GPM6A: variants seen among roughly 807,000 people sequenced by gnomAD.
GPM6A encodes the protein neuronal membrane glycoprotein M6-a.
Under a neutral mutation model 32.1 loss-of-function variants are expected in GPM6A, and 7 were observed. The observed-to-expected ratio is 0.22, with a 90% CI of 0.12 to 0.41. The LOEUF (loss-of-function observed/expected upper bound fraction) is 0.41, where lower values mean the gene tolerates loss of function less well. Among genes scored for constraint, GPM6A ranks in the 10% least tolerant of loss-of-function variants. The pLI, the probability that GPM6A is intolerant of heterozygous loss-of-function variation, is 1.00. For synonymous variants in GPM6A, 130 were observed against 123.4 expected (o/e 1.05, Z -0.35); for missense variants, 235 against 347.2 (o/e 0.68, Z 2.57).
At chr4:175,664,760 CT>C (rs1447888912) in intron 3 of GPM6A, among the ~76,000 whole-genome samples, 1 of 152,152 alleles carries the variant, frequency 6.6e-6, no homozygotes, top group Non-Finnish European at 1.5e-5. Context: ...TCAAGAGCCC[CT>C]TTTACTCACT....
At chr4:175,660,649 T>C (rs1445642604) in intron 3 of GPM6A, among the ~76,000 whole-genome samples, 1 of 152,200 alleles carries the variant, frequency 6.6e-6, no homozygotes, top group Non-Finnish European at 1.5e-5. Flanking sequence ...AAGAAAGTGT[T>C]GCTATTACTT....
intron 2 of GPM6A, among the ~76,000 whole-genome samples, chr4:175,695,930 C>A (rs918400441): frequency 6.6e-6 from 1 of 152,052 alleles, no homozygotes; most frequent in Admixed American, 6.6e-5. Flanking sequence ...GGTTTAGCAC[C>A]ATCTCCTCAG....
chr4:175,898,128 C>T (rs1440262848), intron 1 of GPM6A, among the ~76,000 whole-genome samples: 1 of 152,142 alleles, frequency 6.6e-6, no homozygotes, highest in East Asian at 1.9e-4. Flanking sequence ...TAATCATTTA[C>T]CCCTTAAACC....
At chr4:175,693,133 A>C (rs1036296787) in intron 2 of GPM6A, among the ~76,000 whole-genome samples, 8 of 151,896 alleles carry the variant, frequency 5.3e-5, no homozygotes, top group Admixed American at 3.9e-4. Context: ...AAGACAAGGA[A>C]TTTGTCTTGC....
At position 175,962,157 on chromosome 4, in the gene GPM6A, C is replaced by T. The variant is rs1287957047; in HGVS notation, c.-23+40152G>A. 5 of 891,426 alleles carry T rather than the reference C, an allele frequency of 5.6e-6. No homozygotes were observed. The African/African-American group carries it at 8.2e-5, about 15-fold the overall frequency. The allele number at this position is 891,426 out of a possible 1,614,324, so 55.2% of individuals were successfully genotyped here. A position where few individuals can be genotyped will look rare whatever the true frequency, so the allele number is the denominator to read the frequency against. On this transcript the variant is annotated intron_variant, in intron 1 of 7. Transcript: ENST00000280187. ...GACAATGTTACAGGACATCAAGCAT[C>T]AACCCAAGGTGATCGAGCACCTGCT...
chr4:175,868,083 G>T (rs74685607), intron 1 of GPM6A, among the ~76,000 whole-genome samples: 347 of 152,224 alleles, frequency 2.3e-3, no homozygotes, highest in African/African-American at 8.0e-3. Context: ...TCGAGCTTTT[G>T]GTCCCCAGAG....
chr4:175,913,708 T>C (rs1469241397), intron 1 of GPM6A, among the ~76,000 whole-genome samples: 1 of 152,088 alleles, frequency 6.6e-6, no homozygotes, highest in African/African-American at 2.4e-5. Flanking sequence ...CCCTGCCCCA[T>C]CCCTTCATCT....
intron 1 of GPM6A, among the ~76,000 whole-genome samples, chr4:175,875,320 C>A (rs1309281080): frequency 6.6e-6 from 1 of 152,140 alleles, no homozygotes; most frequent in Non-Finnish European, 1.5e-5. Context: ...ACTAAATTTT[C>A]TTTTGCTTAA....
At chr4:175,770,892 A>T (rs900265516) in intron 1 of GPM6A, among the ~76,000 whole-genome samples, 11 of 152,282 alleles carry the variant, frequency 7.2e-5, no homozygotes, top group African/African-American at 2.6e-4. Flanking sequence ...TGCCAACATG[A>T]TTACTTCATC....
chr4:175,954,563 G>A (rs1256645441), intron 1 of GPM6A, among the ~76,000 whole-genome samples: 2 of 152,108 alleles, frequency 1.3e-5, no homozygotes, highest in Admixed American at 6.5e-5. Context: ...TTTTCCACCC[G>A]AAGAGTCAAG....
intron 6 of GPM6A, among the ~76,000 whole-genome samples, chr4:175,639,480 A>T (rs2110882245): frequency 6.6e-6 from 1 of 152,278 alleles, no homozygotes; most frequent in East Asian, 1.9e-4. Flanking sequence ...GACTGAAGAT[A>T]TTGGCTGCAA....
At chr4:175,870,846 C>A (rs1013189592) in intron 1 of GPM6A, among the ~76,000 whole-genome samples, 1 of 152,034 alleles carries the variant, frequency 6.6e-6, no homozygotes, top group Non-Finnish European at 1.5e-5. Context: ...GAAGTCCTCT[C>A]TATAAAACAG....
At chr4:175,869,512 A>G (rs2111435633) in intron 1 of GPM6A, among the ~76,000 whole-genome samples, 1 of 152,108 alleles carries the variant, frequency 6.6e-6, no homozygotes, top group Middle Eastern at 3.4e-3. Flanking sequence ...TAATCCCAGC[A>G]CTTTGGGAGG....
At chr4:175,687,302 CCA>C (rs902680130) in intron 2 of GPM6A, among the ~76,000 whole-genome samples, 1 of 152,112 alleles carries the variant, frequency 6.6e-6, no homozygotes, top group Admixed American at 6.6e-5. Context: ...GACTGAAACT[CCA>C]CACTCATTGA....
At chr4:175,968,895 T>C (rs1194069450) in intron 1 of GPM6A, among the ~76,000 whole-genome samples, 1 of 152,172 alleles carries the variant, frequency 6.6e-6, no homozygotes, top group African/African-American at 2.4e-5. Flanking sequence ...AAACTAAAAA[T>C]ACATTTGGCA....
At chr4:175,980,169 G>C (rs552378166) in intron 1 of GPM6A, among the ~76,000 whole-genome samples, 1 of 152,230 alleles carries the variant, frequency 6.6e-6, no homozygotes, top group Admixed American at 6.5e-5. Flanking sequence ...AGACCAGCCT[G>C]GGCAACATAG....
At chr4:175,834,738 A>G (rs1487328878) in intron 1 of GPM6A, among the ~76,000 whole-genome samples, 3 of 152,214 alleles carry the variant, frequency 2.0e-5, no homozygotes, top group Non-Finnish European at 2.9e-5. Flanking sequence ...TCCAAGTATT[A>G]TTACCATCAC....
At chr4:175,886,553 T>C (rs556784853) in intron 1 of GPM6A, among the ~76,000 whole-genome samples, 11 of 152,008 alleles carry the variant, frequency 7.2e-5, no homozygotes, top group Non-Finnish European at 1.5e-4. Context: ...CAGAATCAAA[T>C]GGAGATATTG....
chr4:175,644,209 C>T (rs1373645814), intron 4 of GPM6A, among the ~76,000 whole-genome samples: 1 of 150,244 alleles, frequency 6.7e-6, no homozygotes, highest in Non-Finnish European at 1.5e-5. Flanking sequence ...CTGCAAGCTC[C>T]GCTTCCCGGG....
Sources: gnomAD v4.1 joint callset for allele counts (sites outside exome capture counted in the v4.1 genomes callset) on GRCh38, gnomAD v4.1.1 for gene constraint, MANE v1.5 for transcripts, NCBI Gene and HGNC (gene_info 2026-07-23, HGNC 2026-07-21) for gene names.